FRMD5: variants seen among roughly 807,000 people sequenced by gnomAD.
FRMD5 encodes FERM domain-containing protein 5.
A neutral mutation model predicts 69.0 loss-of-function variants in FRMD5; 20 were observed. That is an observed-to-expected ratio of 0.29 (90% CI 0.20 to 0.42). The LOEUF (loss-of-function observed/expected upper bound fraction) is 0.42. FRMD5 is among the 10% of genes least tolerant of loss of function. The probability of loss-of-function intolerance (pLI) is 1.00; values close to 1 mark genes in which losing one functional copy is unlikely to be tolerated. For synonymous variants in FRMD5, 271 were observed against 260.1 expected, an observed-to-expected ratio of 1.04 and a Z score of -0.40; for missense variants, 595 against 708.6, an observed-to-expected ratio of 0.84 and a Z score of 1.82.
At position 43,870,770 on chromosome 15, in the gene FRMD5, T is replaced by G. The variant is rs1185945169; in HGVS notation, c.*3115A>C. 2.0e-5 allele frequency: 3 copies of G among 152,182 alleles called. No individual in the cohort carries two copies. Among genetic ancestry groups the G allele is most frequent in the Non-Finnish European group, 4.4e-5 (3 of 68,034 alleles). 9.4% of individuals were successfully genotyped at this position (152,182 alleles called of 1,614,324 possible). A position where few individuals can be genotyped will look rare whatever the true frequency, so the allele number is the denominator to read the frequency against. ...GAAAGAGCCCACTCTTCCATGATAT[T>G]TAAATATTTATTTAAGTTTAAAAAT... On this transcript the variant is annotated 3_prime_UTR_variant, in exon 14 of 14. Coordinates refer to ENST00000417257, the MANE Select transcript of FRMD5 (RefSeq NM_032892.5).
At chr15:43,926,328 C>A (rs1008352519) in intron 1 of FRMD5, among the ~76,000 whole-genome samples, 2 of 152,094 alleles carry the variant, frequency 1.3e-5, no homozygotes, top group Non-Finnish European at 2.9e-5. Flanking sequence ...TCATCTCTGG[C>A]GGGTCTATGT....
chr15:43,874,529 A>G (rs2088270933), intron 13 of FRMD5, 67 bp from the exon 14 acceptor site: 2 of 1,142,744 alleles, frequency 1.8e-6, no homozygotes, highest in Admixed American at 1.8e-5. Flanking sequence ...AGTAGCACCC[A>G]TTGTGTTTTA....
chr15:44,186,850 C>T (rs2078110573), intron 1 of FRMD5, among the ~76,000 whole-genome samples: 1 of 152,246 alleles, frequency 6.6e-6, no homozygotes, highest in Admixed American at 6.5e-5. Flanking sequence ...ATCCCCAAAG[C>T]TCTAGCCTGG....
intron 1 of FRMD5, among the ~76,000 whole-genome samples, chr15:44,045,877 C>T (rs1892406371): frequency 6.6e-6 from 1 of 152,188 alleles, no homozygotes; most frequent in South Asian, 2.1e-4. Flanking sequence ...GTTATTCCTT[C>T]AGCTCATGAT....
chr15:44,083,932 C>A (rs1035141933), intron 1 of FRMD5, among the ~76,000 whole-genome samples: 4 of 152,060 alleles, frequency 2.6e-5, no homozygotes, highest in African/African-American at 9.6e-5. Context: ...TGAAAGGTAT[C>A]CTGAACATAC....
At chr15:43,951,376 C>T (rs943808103) in intron 1 of FRMD5, among the ~76,000 whole-genome samples, 2 of 150,114 alleles carry the variant, frequency 1.3e-5, no homozygotes, top group African/African-American at 4.9e-5. Context: ...GAGCCAAGAT[C>T]GCGCCACTGC....
intron 1 of FRMD5, among the ~76,000 whole-genome samples, chr15:44,124,748 T>G (rs1259642525): frequency 1.3e-5 from 2 of 152,134 alleles, no homozygotes; most frequent in Non-Finnish European, 2.9e-5. Flanking sequence ...ACATGCTATT[T>G]AAAACAGTGA....
chr15:44,030,914 T>C (rs1282902211), intron 1 of FRMD5, among the ~76,000 whole-genome samples: 10 of 151,984 alleles, frequency 6.6e-5, no homozygotes. Context: ...AAGAAATCTA[T>C]TCTCTATTAA....
intron 4 of FRMD5, among the ~76,000 whole-genome samples, chr15:43,917,249 G>A (rs529591341): frequency 4.6e-5 from 7 of 152,266 alleles, no homozygotes; most frequent in South Asian, 4.2e-4. Context: ...GGTTTGCTCC[G>A]ATATGTAGAC....
chr15:43,916,904 G>A (rs544006172), intron 4 of FRMD5, among the ~76,000 whole-genome samples: 11 of 151,290 alleles, frequency 7.3e-5, no homozygotes, highest in Middle Eastern at 3.4e-3. Flanking sequence ...TCAGCCTCCC[G>A]AGAAGCAGGG....
At chr15:43,905,713 G>A in intron 6 of FRMD5, 115 bp downstream of exon 6, 1 of 1,321,214 alleles carries the variant, frequency 7.6e-7, no homozygotes. Flanking sequence ...GAAGGCTGGG[G>A]AGCATCACTC....
chr15:43,894,126 G>A (rs2088859270), intron 7 of FRMD5, among the ~76,000 whole-genome samples: 1 of 152,154 alleles, frequency 6.6e-6, no homozygotes, highest in South Asian at 2.1e-4. Context: ...GCCTGGTGGT[G>A]GTTATTAATA....
At chr15:43,989,208 G>A (rs1288065714) in intron 1 of FRMD5, 18 of 822,668 alleles carry the variant, frequency 2.2e-5, no homozygotes, top group Non-Finnish European at 3.0e-5. Context: ...CAGTGATCTT[G>A]ATCTTCATTG....
intron 1 of FRMD5, among the ~76,000 whole-genome samples, chr15:44,176,742 A>T (rs914707396): frequency 6.6e-6 from 1 of 152,142 alleles, no homozygotes; most frequent in African/African-American, 2.4e-5. Flanking sequence ...TTTCTCCCAA[A>T]AAGATATACA....
rs541826382 is a variant in FRMD5, at chr15:43,888,956, A to G, written c.729-84T>C. On this transcript the variant is annotated intron_variant, in intron 8 of 13. Coordinates refer to ENST00000417257, the MANE Select transcript of FRMD5 (RefSeq NM_032892.5). The stretch of plus-strand genomic sequence containing the variant: ...TCTTGTAGATGCACAGCCCACCCCA[A>G]CTGGAAGGGGCTCCAGGCACAGACA... The G allele has an allele frequency of 1.3e-3, 1,488 of 1,158,940 alleles. 32 individuals are homozygous for G. The South Asian group carries it at 0.018, about 14-fold the overall frequency. The allele number at this position is 1,158,940 out of a possible 1,614,324, so 71.8% of individuals were successfully genotyped here.
chr15:44,069,582 T>C (rs533645817), intron 1 of FRMD5, among the ~76,000 whole-genome samples: 4 of 152,308 alleles, frequency 2.6e-5, no homozygotes, highest in Admixed American at 2.6e-4. Flanking sequence ...AATGGTATGA[T>C]TCAATTTATA....
intron 12 of FRMD5, 81 bp from the exon 13 acceptor site, chr15:43,883,890 T>C (rs186800123): frequency 1.0e-6 from 1 of 965,062 alleles, no homozygotes; most frequent in African/African-American, 1.6e-5. Context: ...TACTGGCTAC[T>C]AGAATTGCCT....
chr15:44,121,271 CA>C (rs1455821991), intron 1 of FRMD5, among the ~76,000 whole-genome samples: 6 of 5,140 alleles, frequency 1.2e-3, no homozygotes, highest in Admixed American at 6.8e-3. Flanking sequence ...ACATCTGGGG[CA>C]GGGGGGTGGG....
chr15:44,106,557 A>G (rs1412343544), intron 1 of FRMD5, among the ~76,000 whole-genome samples: 1 of 152,186 alleles, frequency 6.6e-6, no homozygotes, highest in Non-Finnish European at 1.5e-5. Flanking sequence ...TAATTGGTTC[A>G]GTGGTCACCT....
Sources: gnomAD v4.1 joint callset for allele counts (sites outside exome capture counted in the v4.1 genomes callset) on GRCh38, gnomAD v4.1.1 for gene constraint, MANE v1.5 for transcripts, NCBI Gene and HGNC (gene_info 2026-07-23, HGNC 2026-07-21) for gene names.